PLEKHA2: variants seen among roughly 807,000 people sequenced by gnomAD.
The protein encoded by PLEKHA2 is pleckstrin homology domain-containing family A member 2.
PLEKHA2 carries 28 observed loss-of-function variants against 53.2 expected under a neutral mutation model. The ratio of observed to expected loss-of-function variants is 0.53; its 90% CI spans 0.39 to 0.72. The LOEUF (loss-of-function observed/expected upper bound fraction) is 0.72, where lower values mean the gene tolerates loss of function less well. PLEKHA2 is among the 30% of genes least tolerant of loss of function. The probability of loss-of-function intolerance (pLI) is 0.00; values close to 1 mark genes in which losing one functional copy is unlikely to be tolerated. For synonymous variants in PLEKHA2, 193 were observed against 196.4 expected, an observed-to-expected ratio of 0.98 and a Z score of 0.14; for missense variants, 426 against 537.9, an observed-to-expected ratio of 0.79 and a Z score of 2.06.
chr8:38,951,072 T>C (rs71517743), intron 6 of PLEKHA2, 82 bp downstream of exon 6: 96,446 of 753,026 alleles, frequency 0.13, 8,152 homozygotes, highest in Middle Eastern at 0.16. Context: ...CGGAGCACTG[T>C]ACTGGGGAAA....
intron 5 of PLEKHA2, among the ~76,000 whole-genome samples, chr8:38,946,998 C>A (rs1445162884): frequency 6.6e-6 from 1 of 152,132 alleles, no homozygotes; most frequent in African/African-American, 2.4e-5. Context: ...AGCAAATTAT[C>A]CTCCCAGATT....
chr8:38,910,111 C>G (rs974863487), intron 1 of PLEKHA2, among the ~76,000 whole-genome samples: 3 of 152,048 alleles, frequency 2.0e-5, no homozygotes, highest in Non-Finnish European at 4.4e-5. Context: ...CATGCACTAC[C>G]ATGCCCGGCT....
intron 9 of PLEKHA2, 89 bp downstream of exon 9, chr8:38,953,456 G>A: frequency 7.9e-7 from 1 of 1,268,200 alleles, no homozygotes; most frequent in Non-Finnish European, 1.1e-6. Context: ...CTCTATGCAA[G>A]AGTCATCTTC....
chr8:38,909,647 T>C (rs1038224544), intron 1 of PLEKHA2, among the ~76,000 whole-genome samples: 3 of 152,148 alleles, frequency 2.0e-5, no homozygotes, highest in Admixed American at 2.0e-4. Flanking sequence ...TAGAGAGATA[T>C]TTGGGGCTGC....
intron 5 of PLEKHA2, among the ~76,000 whole-genome samples, chr8:38,949,679 A>G (rs922043648): frequency 1.3e-5 from 2 of 152,270 alleles, no homozygotes; most frequent in Non-Finnish European, 2.9e-5. Context: ...GGCTCTGTGT[A>G]TAATTATTAG....
At chr8:38,953,453 C>T in intron 9 of PLEKHA2, 86 bp downstream of exon 9, 1 of 1,251,202 alleles carries the variant, frequency 8.0e-7, no homozygotes, top group East Asian at 2.3e-5. Flanking sequence ...AGACTCTATG[C>T]AAGAGTCATC....
Position 38,970,968 on chromosome 8 carries a change from C to T in PLEKHA2, c.*1185C>T, listed in dbSNP as rs1835237863. On this transcript the variant is annotated 3_prime_UTR_variant, in exon 12 of 12. Transcript: ENST00000617275. Reference sequence around the variant, plus strand: ...AAGAGAGAACTTAGCTTATTTCTGTCTGTGACTTTTATCAGCTAGATCAGT... The same window carrying T: ...AAGAGAGAACTTAGCTTATTTCTGTTTGTGACTTTTATCAGCTAGATCAGT... 1 of 152,194 alleles carries T rather than the reference C, an allele frequency of 6.6e-6. No individual in the cohort carries two copies. Among genetic ancestry groups the T allele is most frequent in the Admixed American group, 6.5e-5 (1 of 15,280 alleles). The allele number at this position is 152,194 out of a possible 1,614,324, so 9.4% of individuals were successfully genotyped here. A position where few individuals can be genotyped will look rare whatever the true frequency, so the allele number is the denominator to read the frequency against.
rs375477557 is a variant in PLEKHA2, at chr8:38,957,380, C to T, written c.831C>T (p.Tyr277=). The part of the protein sequence containing the change: ...FEIITSSRTF[Y]VQADSPEDMH... ...TAATAACAAGCTCCAGGACCTTCTA[C>T]GTACAGGTAAAATGCTCCCTTCCAG... is the stretch of plus-strand genomic sequence containing the variant. Residue 277 remains tyrosine, a synonymous_variant, in exon 10 of 12, where the codon TAC becomes TAT. Transcript: ENST00000617275. The T allele has an allele frequency of 6.1e-5, 99 of 1,612,216 alleles. No individual in the cohort carries two copies. The African/African-American group carries it at 9.5e-4, about 15-fold the overall frequency.
chr8:38,930,065 C>T (rs1026966379), intron 2 of PLEKHA2, among the ~76,000 whole-genome samples: 2 of 152,116 alleles, frequency 1.3e-5, no homozygotes, highest in Non-Finnish European at 1.5e-5. Flanking sequence ...TCCTTGGTGA[C>T]GGAGAAGAAT....
intron 10 of PLEKHA2, among the ~76,000 whole-genome samples, chr8:38,964,558 G>A (rs1402142446): frequency 6.6e-6 from 1 of 151,996 alleles, no homozygotes; most frequent in African/African-American, 2.4e-5. Context: ...TGGAAAAATT[G>A]TCTTCCACAA....
intron 1 of PLEKHA2, among the ~76,000 whole-genome samples, chr8:38,916,624 G>A (rs1834067554): frequency 6.6e-6 from 1 of 152,114 alleles, no homozygotes; most frequent in African/African-American, 2.4e-5. Flanking sequence ...TGGCTGAATA[G>A]TACTCCATTG....
chr8:38,921,063 A>C lies in PLEKHA2; in HGVS notation c.141+2993A>C, dbSNP rs555880775. On this transcript the variant is annotated intron_variant, in intron 2 of 11. Coordinates refer to ENST00000617275, the MANE Select transcript of PLEKHA2 (RefSeq NM_021623.2). ...TGATCCACCGGCCTCGGCCTCCCAA[A>C]GTGCTGGGATTACAGGCATGAGCCA... 2.0e-5 allele frequency among the ~76,000 whole-genome samples: 3 copies of C among 152,208 alleles called. No homozygotes were observed. The East Asian group carries it at 5.8e-4, about 29-fold the overall frequency.
chr8:38,951,097 G>GA, intron 6 of PLEKHA2, 107 bp downstream of exon 6: 1 of 683,842 alleles, frequency 1.5e-6, no homozygotes, highest in Non-Finnish European at 2.2e-6. Flanking sequence ...GGGTGGGAGT[G>GA]GGGGGCAGCT....
At chr8:38,957,980 A>G (rs1834971887) in intron 10 of PLEKHA2, among the ~76,000 whole-genome samples, 1 of 152,226 alleles carries the variant, frequency 6.6e-6, no homozygotes, top group Non-Finnish European at 1.5e-5. Context: ...AGCAGTGCAC[A>G]GAGAGTGCCT....
At position 38,940,361 on chromosome 8, in the gene PLEKHA2, T is replaced by G. The variant is rs551182119; in HGVS notation, c.199-3428T>G. 7.1e-4 allele frequency among the ~76,000 whole-genome samples: 108 copies of G among 152,132 alleles called. 2 individuals carry two copies. The highest frequency in any genetic ancestry group is 4.1e-4 in the Non-Finnish European group (28 of 67,994). On this transcript the variant is annotated intron_variant, in intron 3 of 11. Transcript: ENST00000617275. The stretch of plus-strand genomic sequence containing the variant: ...TTGTAGTGAGCCAAGATCGTGCCAT[T>G]GCACTCCAGCCTGGGTGACAGAGCA...
chr8:38,953,651 G>A (rs1225935402), intron 9 of PLEKHA2, among the ~76,000 whole-genome samples: 3 of 152,096 alleles, frequency 2.0e-5, no homozygotes, highest in Non-Finnish European at 2.9e-5. Context: ...ACAAAGAGTG[G>A]GGCTCCGAAG....
intron 1 of PLEKHA2, among the ~76,000 whole-genome samples, chr8:38,912,493 C>G (rs1011490934): frequency 6.6e-6 from 1 of 152,204 alleles, no homozygotes; most frequent in Non-Finnish European, 1.5e-5. Context: ...TCTCCCCTCA[C>G]TGGCTCATTG....
At chr8:38,956,029 G>T (rs897791497) in intron 9 of PLEKHA2, among the ~76,000 whole-genome samples, 1 of 152,110 alleles carries the variant, frequency 6.6e-6, no homozygotes, top group Admixed American at 6.5e-5. Context: ...GTCCAGGCTG[G>T]CCTAGAACTC....
At chr8:38,917,262 A>G (rs936716870) in intron 1 of PLEKHA2, among the ~76,000 whole-genome samples, 21 of 152,248 alleles carry the variant, frequency 1.4e-4, no homozygotes, top group African/African-American at 4.8e-4. Flanking sequence ...TTTGCTGTGC[A>G]GAAGCTTTTT....
Sources: allele counts gnomAD v4.1 joint callset (sites outside exome capture counted in the v4.1 genomes callset), GRCh38; gene constraint gnomAD v4.1.1; transcripts MANE v1.5; gene names NCBI Gene and HGNC (gene_info 2026-07-23, HGNC 2026-07-21).